Variants in MYLK observed in about 807,000 individuals in gnomAD.
MYLK encodes myosin light chain kinase, smooth muscle.
A neutral mutation model predicts 203.4 loss-of-function variants in MYLK; 106 were observed. The observed-to-expected ratio is 0.52, with a 90% CI of 0.45 to 0.61. The LOEUF (loss-of-function observed/expected upper bound fraction) is 0.61. MYLK is among the 20% of genes least tolerant of loss of function. The pLI is 0.00. For synonymous variants in MYLK, 867 were observed against 959.5 expected, an observed-to-expected ratio of 0.90 and a Z score of 1.78; for missense variants, 2,072 against 2,442.3, an observed-to-expected ratio of 0.85 and a Z score of 3.20.
chr3:123,649,199 G>GC lies in MYLK; in HGVS notation c.4289-6_4289-5insG, dbSNP rs771495132. On this transcript the variant is annotated splice_polypyrimidine_tract_variant and splice_region_variant and intron_variant, in intron 24 of 33. Coordinates refer to ENST00000360304, the MANE Select transcript of MYLK (RefSeq NM_053025.4). ...CCTCCACTTCATCCTTCGGCTCTGG[G>GC]GGGGGCACAAGGAAGGACAGAGAGG... 1 of 1,612,418 alleles carries GC rather than the reference G, an allele frequency of 6.2e-7. No homozygotes were observed. Among genetic ancestry groups the GC allele is most frequent in the Non-Finnish European group, 8.5e-7 (1 of 1,179,996 alleles).
chr3:123,614,005 A>G lies in MYLK; in HGVS notation c.*100T>C, dbSNP rs1275541146. 51 of 1,433,306 alleles carry G rather than the reference A, an allele frequency of 3.6e-5. 1 individual carries two copies. Among genetic ancestry groups the G allele is most frequent in the Non-Finnish European group, 3.0e-5 (31 of 1,037,326 alleles). The allele number at this position is 1,433,306 out of a possible 1,614,324, so 88.8% of individuals were successfully genotyped here. On this transcript the variant is annotated 3_prime_UTR_variant, in exon 34 of 34. Coordinates refer to ENST00000360304, the MANE Select transcript of MYLK (RefSeq NM_053025.4). ...AATGACCTAACCGATAATCTATCACACTAGGTGCTTTTACTATCTTGAGTT... is the reference window on the plus strand; with the variant it reads ...AATGACCTAACCGATAATCTATCACGCTAGGTGCTTTTACTATCTTGAGTT...
intron 3 of MYLK, 190 bp from the exon 4 acceptor site, chr3:123,794,034 A>G (rs1448109842): frequency 1.5e-6 from 1 of 677,488 alleles, no homozygotes; most frequent in African/African-American, 1.8e-5. Context: ...AAGTGCCAGG[A>G]CAAGGCAGAG....
Position 123,652,508 on chromosome 3 carries a change from A to G in MYLK, c.4289-3314T>C, listed in dbSNP as rs181117066. Among the ~76,000 whole-genome samples the G allele has an allele frequency of 4.3e-3, 662 of 152,268 alleles. 18 individuals carry two copies. Among genetic ancestry groups the G allele is most frequent in the East Asian group, 6.6e-3 (34 of 5,160 alleles). On this transcript the variant is annotated intron_variant, in intron 24 of 33. Transcript: ENST00000360304. ...GAATTGTCCCTTCCTGCAGCCAAGG[A>G]CTGTTGCACACCCAGAGAACACTAG...
chr3:123,827,694 C>CATATAT (rs3052386), intron 3 of MYLK, among the ~76,000 whole-genome samples: 27 of 24,304 alleles, frequency 1.1e-3, no homozygotes, highest in Non-Finnish European at 2.0e-3. Flanking sequence ...TGAAAAACAC[C>CATATAT]ATATATATAT....
chr3:123,843,840 C>A (rs141928631), intron 2 of MYLK, among the ~76,000 whole-genome samples: 2 of 152,260 alleles, frequency 1.3e-5, no homozygotes, highest in East Asian at 3.9e-4. Flanking sequence ...GTTTTTTAAG[C>A]CTCTGTTTGA....
chr3:123,656,329 A>G (rs1414144723), intron 24 of MYLK, among the ~76,000 whole-genome samples: 1 of 152,166 alleles, frequency 6.6e-6, no homozygotes, highest in East Asian at 1.9e-4. Context: ...TCTGAAAACC[A>G]GCTCTAATCG....
rs2031994834 is a variant in MYLK, at chr3:123,862,283, T to C, written c.-127+14276A>G. On this transcript the variant is annotated intron_variant, in intron 2 of 33. Transcript: ENST00000360304. ...GTTCATCTGTGTATTCAGCAAGTTTTCCTGAGGGTCTACTATATTTCTGGG... is the reference window on the plus strand; with the variant it reads ...GTTCATCTGTGTATTCAGCAAGTTTCCCTGAGGGTCTACTATATTTCTGGG... Among the ~76,000 whole-genome samples, 6 of 152,256 alleles carry C rather than the reference T, an allele frequency of 3.9e-5. No individual in the cohort carries two copies. The South Asian group carries it at 1.0e-3, about 26-fold the overall frequency.
At chr3:123,664,380 G>T in intron 22 of MYLK, 122 bp from the exon 23 acceptor site, 1 of 1,373,208 alleles carries the variant, frequency 7.3e-7, no homozygotes, top group Non-Finnish European at 1.0e-6. Flanking sequence ...GGGGGGCTCA[G>T]TCTGGTCTGG....
intron 2 of MYLK, among the ~76,000 whole-genome samples, chr3:123,837,748 T>G (rs2066508405): frequency 6.6e-6 from 1 of 151,850 alleles, no homozygotes; most frequent in Non-Finnish European, 1.5e-5. Flanking sequence ...CAACCAATAG[T>G]CTACTTTCTG....
chr3:123,842,209 AAACT>A (rs2066607594), intron 2 of MYLK, among the ~76,000 whole-genome samples: 1 of 152,198 alleles, frequency 6.6e-6, no homozygotes, highest in Admixed American at 6.5e-5. Context: ...AGTTAGGCAA[AAACT>A]AACCATAAAA....
intron 4 of MYLK, among the ~76,000 whole-genome samples, chr3:123,778,760 C>A (rs949419949): frequency 6.6e-6 from 1 of 152,194 alleles, no homozygotes; most frequent in African/African-American, 2.4e-5. Flanking sequence ...CTAACAGCTG[C>A]CCCTTGAGTG....
At chr3:123,736,364 C>G (rs1296320290) in intron 8 of MYLK, among the ~76,000 whole-genome samples, 1 of 152,010 alleles carries the variant, frequency 6.6e-6, no homozygotes, top group East Asian at 1.9e-4. Context: ...GAAGGAGATG[C>G]AGAACAGAAA....
chr3:123,681,643 C>T (rs1403901267), intron 20 of MYLK: 1 of 165,180 alleles, frequency 6.1e-6, no homozygotes, highest in African/African-American at 2.4e-5. Context: ...CAGTGAAGAG[C>T]TCAGTTTGGC....
chr3:123,739,817 C>T (rs2062803097), intron 6 of MYLK, 136 bp downstream of exon 6: 3 of 940,196 alleles, frequency 3.2e-6, no homozygotes, highest in African/African-American at 1.6e-5. Context: ...GTAAATGACA[C>T]ATCTCATTGT....
At chr3:123,874,323 C>T (rs193057729) in intron 2 of MYLK, among the ~76,000 whole-genome samples, 147 of 152,220 alleles carry the variant, frequency 9.7e-4, no homozygotes, top group African/African-American at 3.0e-3. Context: ...GGACAGAATA[C>T]TCAGAATAGA....
chr3:123,788,013 A>G (rs1292693481), intron 4 of MYLK, among the ~76,000 whole-genome samples: 1 of 152,190 alleles, frequency 6.6e-6, no homozygotes, highest in African/African-American at 2.4e-5. Context: ...CTGGTCATCA[A>G]CGGCCTTTTA....
At position 123,653,988 on chromosome 3, in the gene MYLK, G is replaced by T. The variant is rs955995944; in HGVS notation, c.4288+3138C>A. Among the ~76,000 whole-genome samples, 9 of 104,720 alleles carry T rather than the reference G, an allele frequency of 8.6e-5. No individual in the cohort carries two copies. The East Asian group carries it at 3.0e-3, about 35-fold the overall frequency. 68.7% of individuals were successfully genotyped at this position (104,720 alleles called of 152,430 possible). ...ACTCTGCTCATTTCAGAGGGATGTT[G>T]TGTGTGTGTGTGTGTGTGTGTGTGT... On this transcript the variant is annotated intron_variant, in intron 24 of 33. Coordinates refer to ENST00000360304, the MANE Select transcript of MYLK (RefSeq NM_053025.4).
rs745695352 is a variant in MYLK at position 123,687,612 on chromosome 3, CTTCA to C, written c.3565+5119_3565+5122del. On this transcript the variant is annotated intron_variant, in intron 19 of 33. Transcript: ENST00000360304. ...TCTTCCTTCCTTCCTTCCTTCCTAC[CTTCA>C]TTCCTTCCTTCCTTTCCTTCCTTCC... Among the ~76,000 whole-genome samples the C allele has an allele frequency of 3.2e-3, 482 of 151,124 alleles. 2 individuals carry two copies. Among genetic ancestry groups the C allele is most frequent in the South Asian group, 0.012 (57 of 4,758 alleles).
chr3:123,614,011 T>C lies in MYLK; in HGVS notation c.*94A>G. ...CTAACCGATAATCTATCACACTAGG[T>C]GCTTTTACTATCTTGAGTTTTTTTT... On this transcript the variant is annotated 3_prime_UTR_variant, in exon 34 of 34. Transcript: ENST00000360304. 6.8e-7 allele frequency: 1 copy of C among 1,469,132 alleles called. No individual in the cohort carries two copies. The highest frequency in any genetic ancestry group is 9.3e-7 in the Non-Finnish European group (1 of 1,069,594). The allele number at this position is 1,469,132 out of a possible 1,614,324, so 91.0% of individuals were successfully genotyped here.
Sources: allele counts gnomAD v4.1 joint callset (sites outside exome capture counted in the v4.1 genomes callset), GRCh38; gene constraint gnomAD v4.1.1; transcripts MANE v1.5; gene names NCBI Gene and HGNC (gene_info 2026-07-23, HGNC 2026-07-21).